CIMIP6: variants seen among roughly 807,000 people sequenced by gnomAD.
The protein encoded by CIMIP6 is uncharacterized protein C2orf73.
chr2:54,359,936 G>GT, the CIMIP6 span, among the ~76,000 whole-genome samples: 1 of 152,210 alleles, frequency 6.6e-6, no homozygotes, highest in African/African-American at 2.4e-5. Context: ...TGATAAAAAA[G>GT]TTGAGAATGG....
At chr2:54,374,764 C>T in the CIMIP6 span, among the ~76,000 whole-genome samples, 1 of 152,186 alleles carries the variant, frequency 6.6e-6, no homozygotes, top group Non-Finnish European at 1.5e-5. Flanking sequence ...TCAGCCAGTG[C>T]TAAATTTTGC....
At chr2:54,335,010 G>A in the CIMIP6 span, 1 of 1,599,456 alleles carries the variant, frequency 6.3e-7, no homozygotes, top group Non-Finnish European at 8.5e-7. Flanking sequence ...TCCCAAAAAA[G>A]GGCCAGAAAT....
the CIMIP6 span, among the ~76,000 whole-genome samples, chr2:54,379,108 G>C: frequency 6.6e-6 from 1 of 152,312 alleles, no homozygotes; most frequent in East Asian, 1.9e-4. Context: ...TCAGCAAAAA[G>C]TAGCTTCTAG....
chr2:54,344,354 A>T, the CIMIP6 span, among the ~76,000 whole-genome samples: 3 of 152,222 alleles, frequency 2.0e-5, no homozygotes, highest in Non-Finnish European at 4.4e-5. Context: ...TAGCAAAGCA[A>T]TAAACTCTTA....
the CIMIP6 span, among the ~76,000 whole-genome samples, chr2:54,347,506 C>G: frequency 6.6e-6 from 1 of 152,128 alleles, no homozygotes; most frequent in African/African-American, 2.4e-5. Flanking sequence ...TGGTAGCCAA[C>G]CAGTCCCTTC....
chr2:54,357,556 T>G, the CIMIP6 span, among the ~76,000 whole-genome samples: 1 of 149,762 alleles, frequency 6.7e-6, no homozygotes, highest in African/African-American at 2.5e-5. Context: ...GATATGTTCG[T>G]TGTACATAAA....
the CIMIP6 span, among the ~76,000 whole-genome samples, chr2:54,336,717 G>A: frequency 3.3e-5 from 5 of 152,236 alleles, no homozygotes; most frequent in South Asian, 2.1e-4. Flanking sequence ...GCAAGGCAGG[G>A]TAAGGAATGC....
chr2:54,353,759 CT>C, the CIMIP6 span, among the ~76,000 whole-genome samples: 2 of 152,166 alleles, frequency 1.3e-5, no homozygotes, highest in Admixed American at 6.5e-5. Context: ...GAAATTACCA[CT>C]GATGTTCTGT....
the CIMIP6 span, among the ~76,000 whole-genome samples, chr2:54,331,677 C>A: frequency 6.6e-6 from 1 of 151,954 alleles, no homozygotes; most frequent in African/African-American, 2.4e-5. Flanking sequence ...GACTTCCCAC[C>A]CCCGAGACAC....
At chr2:54,337,773 T>C in the CIMIP6 span, among the ~76,000 whole-genome samples, 2 of 152,078 alleles carry the variant, frequency 1.3e-5, no homozygotes, top group Non-Finnish European at 2.9e-5. Context: ...CTTTAAGAGA[T>C]GGTGAAAGTG....
chr2:54,334,978 A>G, the CIMIP6 span: 11 of 1,605,812 alleles, frequency 6.9e-6, no homozygotes, highest in Admixed American at 5.1e-5. Flanking sequence ...AGAACATACA[A>G]TGAACCATTT....
At chr2:54,365,363 C>A in the CIMIP6 span, among the ~76,000 whole-genome samples, 3 of 151,772 alleles carry the variant, frequency 2.0e-5, no homozygotes, top group East Asian at 5.8e-4. Flanking sequence ...CCTGCACACA[C>A]GAGACAATGT....
At chr2:54,375,179 A>G in the CIMIP6 span, among the ~76,000 whole-genome samples, 1 of 152,234 alleles carries the variant, frequency 6.6e-6, no homozygotes, top group Non-Finnish European at 1.5e-5. Context: ...ACATAGCAAA[A>G]AATGTAACTT....
the CIMIP6 span, among the ~76,000 whole-genome samples, chr2:54,333,427 G>GA: frequency 2.0e-5 from 3 of 152,168 alleles, no homozygotes; most frequent in African/African-American, 2.4e-5. Context: ...TGCCGTGAGG[G>GA]AAAAGAGATT....
chr2:54,362,194 T>C, the CIMIP6 span, among the ~76,000 whole-genome samples: 1 of 152,046 alleles, frequency 6.6e-6, no homozygotes, highest in Non-Finnish European at 1.5e-5. Context: ...GAGAGTTTCA[T>C]GATCAACACA....
At chr2:54,373,556 C>A in the CIMIP6 span, among the ~76,000 whole-genome samples, 1 of 152,136 alleles carries the variant, frequency 6.6e-6, no homozygotes, top group Non-Finnish European at 1.5e-5. Context: ...ACGTGCCCTG[C>A]AAATGCTTCT....
At chr2:54,349,890 C>T in the CIMIP6 span, among the ~76,000 whole-genome samples, 4 of 151,644 alleles carry the variant, frequency 2.6e-5, no homozygotes, top group African/African-American at 9.7e-5. Flanking sequence ...GCTCTGTCGC[C>T]CAGGCTGGAG....
the CIMIP6 span, among the ~76,000 whole-genome samples, chr2:54,373,596 G>A: frequency 6.6e-6 from 1 of 152,116 alleles, no homozygotes; most frequent in East Asian, 1.9e-4. Context: ...CCCTCAGAGA[G>A]TAATCTTCAC....
the CIMIP6 span, chr2:54,334,988 T>C: frequency 6.2e-7 from 1 of 1,605,088 alleles, no homozygotes. Flanking sequence ...ATGAACCATT[T>C]CCCTACATAG....
Sources: gnomAD v4.1 joint callset for allele counts (sites outside exome capture counted in the v4.1 genomes callset) on GRCh38, gnomAD v4.1.1 for gene constraint, MANE v1.5 for transcripts, NCBI Gene and HGNC (gene_info 2026-07-23, HGNC 2026-07-21) for gene names.